Variants in FUT8 observed in about 807,000 individuals in gnomAD.
FUT8 encodes alpha-(1,6)-fucosyltransferase.
In FUT8, 29 loss-of-function variants were observed where a neutral mutation model predicts 71.3. That is an observed-to-expected ratio of 0.41 (90% CI 0.30 to 0.55). The LOEUF (loss-of-function observed/expected upper bound fraction) is 0.55. FUT8 is among the 20% of genes least tolerant of loss of function. The probability of loss-of-function intolerance (pLI) is 0.34; values close to 1 mark genes in which losing one functional copy is unlikely to be tolerated. For missense variants in FUT8, 544 were observed against 702.1 expected, an observed-to-expected ratio of 0.77 and a Z score of 2.55; for synonymous variants, 254 against 239.3, an observed-to-expected ratio of 1.06 and a Z score of -0.57.
chr14:65,436,486 C>T (rs368607793), intron 1 of FUT8, among the ~76,000 whole-genome samples: 6 of 151,606 alleles, frequency 4.0e-5, no homozygotes, highest in Non-Finnish European at 8.8e-5. Flanking sequence ...AAAAATTAGC[C>T]AGGTGTGGTG....
intron 3 of FUT8, among the ~76,000 whole-genome samples, chr14:65,612,455 TC>T (rs1179790812): frequency 6.6e-6 from 1 of 152,206 alleles, no homozygotes; most frequent in Non-Finnish European, 1.5e-5. Flanking sequence ...AGGTACTACT[TC>T]CTCTAATCCT....
chr14:65,688,594 GA>G (rs1279091036), intron 7 of FUT8, among the ~76,000 whole-genome samples: 11 of 140,906 alleles, frequency 7.8e-5, no homozygotes, highest in Non-Finnish European at 1.1e-4. Context: ...TCACAAAAAT[GA>G]ACTCAATATG....
At chr14:65,438,876 A>T (rs1398328182) in intron 1 of FUT8, among the ~76,000 whole-genome samples, 1 of 152,216 alleles carries the variant, frequency 6.6e-6, no homozygotes, top group Non-Finnish European at 1.5e-5. Flanking sequence ...ATTGCTAGTT[A>T]TGTAGCACCT....
the FUT8 span, among the ~76,000 whole-genome samples, chr14:65,386,992 C>T: frequency 6.6e-6 from 1 of 151,900 alleles, no homozygotes; most frequent in Non-Finnish European, 1.5e-5. Context: ...CAGGCGCCTA[C>T]CATCACGCCC....
intron 2 of FUT8, among the ~76,000 whole-genome samples, chr14:65,553,106 C>T (rs182807549): frequency 3.3e-5 from 5 of 152,218 alleles, no homozygotes; most frequent in Non-Finnish European, 7.4e-5. Flanking sequence ...TAGGCGTGCA[C>T]CACCAGTTTT....
At chr14:65,563,605 G>T (rs1886033175) in intron 3 of FUT8, among the ~76,000 whole-genome samples, 1 of 151,948 alleles carries the variant, frequency 6.6e-6, no homozygotes, top group Non-Finnish European at 1.5e-5. Context: ...TGCTTTGATT[G>T]TAATCAAATC....
chr14:65,521,049 A>T (rs1371713037), intron 2 of FUT8, among the ~76,000 whole-genome samples: 1 of 152,152 alleles, frequency 6.6e-6, no homozygotes, highest in African/African-American at 2.4e-5. Context: ...GATAATTTGA[A>T]ATCCAGGTAG....
intron 6 of FUT8, among the ~76,000 whole-genome samples, chr14:65,668,265 A>T (rs1370964185): frequency 6.6e-6 from 1 of 152,204 alleles, no homozygotes; most frequent in African/African-American, 2.4e-5. Context: ...AGCAATTATC[A>T]ACAGAGTAAA....
the FUT8 span, among the ~76,000 whole-genome samples, chr14:65,398,444 A>G: frequency 2.2e-4 from 33 of 152,112 alleles, no homozygotes; most frequent in Non-Finnish European, 2.9e-5. Flanking sequence ...ATTAAAAAAA[A>G]TTTTTTTAGG....
At chr14:65,739,419 A>G (rs955865406) in intron 10 of FUT8, among the ~76,000 whole-genome samples, 1 of 152,122 alleles carries the variant, frequency 6.6e-6, no homozygotes, top group East Asian at 1.9e-4. Flanking sequence ...AGGTTAACAC[A>G]TGAACAACTC....
chr14:65,591,989 TAAA>T (rs1008083201), intron 3 of FUT8, among the ~76,000 whole-genome samples: 3 of 151,914 alleles, frequency 2.0e-5, no homozygotes, highest in African/African-American at 7.2e-5. Flanking sequence ...GCAAGATACT[TAAA>T]AAAAACTGGG....
At chr14:65,575,330 A>G (rs1886698572) in intron 3 of FUT8, among the ~76,000 whole-genome samples, 1 of 151,598 alleles carries the variant, frequency 6.6e-6, no homozygotes, top group African/African-American at 2.4e-5. Flanking sequence ...CTCAGGGATT[A>G]TTTTGAACTT....
chr14:65,518,122 CTA>C (rs1227899807), intron 2 of FUT8, among the ~76,000 whole-genome samples: 2 of 152,060 alleles, frequency 1.3e-5, no homozygotes, highest in Non-Finnish European at 2.9e-5. Flanking sequence ...TAGGGTTTTT[CTA>C]TGTGTGCAAG....
At chr14:65,666,280 A>G (rs1377117021) in intron 6 of FUT8, among the ~76,000 whole-genome samples, 1 of 152,156 alleles carries the variant, frequency 6.6e-6, no homozygotes, top group Non-Finnish European at 1.5e-5. Context: ...TAAGAAACGT[A>G]CTGGATCAGT....
At chr14:65,701,997 GTC>G (rs1894319545) in intron 7 of FUT8, among the ~76,000 whole-genome samples, 1 of 152,200 alleles carries the variant, frequency 6.6e-6, no homozygotes, top group Non-Finnish European at 1.5e-5. Flanking sequence ...TTCAACTCCT[GTC>G]TCTGACTCCT....
chr14:65,587,022 A>G (rs769966946), intron 3 of FUT8, among the ~76,000 whole-genome samples: 3 of 152,046 alleles, frequency 2.0e-5, no homozygotes, highest in Non-Finnish European at 2.9e-5. Context: ...CCCCATCTCT[A>G]TTAAAAATAC....
At chr14:65,558,019 T>A (rs758432994) in intron 2 of FUT8, among the ~76,000 whole-genome samples, 2 of 152,148 alleles carry the variant, frequency 1.3e-5, no homozygotes, top group African/African-American at 4.8e-5. Context: ...TATTTTTTCA[T>A]GGTTAAAAGG....
At chr14:65,540,642 G>T (rs180922741) in intron 2 of FUT8, among the ~76,000 whole-genome samples, 61 of 152,310 alleles carry the variant, frequency 4.0e-4, no homozygotes, top group African/African-American at 1.4e-3. Flanking sequence ...TTAAGCTATT[G>T]CTATGTTGAG....
chr14:65,406,854 A>C (rs2065090750), upstream of FUT8, among the ~76,000 whole-genome samples: 1 of 152,180 alleles, frequency 6.6e-6, no homozygotes, highest in African/African-American at 2.4e-5. Context: ...AGGTTTTATA[A>C]GCATAAAGTC....
Sources: gnomAD v4.1 joint callset for allele counts (sites outside exome capture counted in the v4.1 genomes callset) on GRCh38, gnomAD v4.1.1 for gene constraint, MANE v1.5 for transcripts, NCBI Gene and HGNC (gene_info 2026-07-23, HGNC 2026-07-21) for gene names.